Variants in COPS5 observed in about 807,000 individuals in gnomAD.
COPS5 encodes the protein COP9 signalosome complex subunit 5.
COPS5 carries 8 observed loss-of-function variants against 44.4 expected under a neutral mutation model. That is an observed-to-expected ratio of 0.18 (90% CI 0.11 to 0.32). The LOEUF is 0.32. Ranked by LOEUF, COPS5 falls within the 10% of genes least tolerant of loss-of-function variation. The pLI is 1.00. For missense variants in COPS5, 159 were observed against 406.4 expected (o/e 0.39, Z 5.23); for synonymous variants, 122 against 142.8 (o/e 0.85, Z 1.04).
rs1563447309 is a variant in COPS5, at chr8:67,056,684, TATATATATATATATATATATATATATAA to T, written c.574-108_574-81del. Reference sequence around the variant, plus strand: ...ATATATATATATATATATATATATATATATATATATATATATATATATATATAAAAATGAGAAAAACATGTTTTCTATG... The same window carrying T: ...ATATATATATATATATATATATATATAAATGAGAAAAACATGTTTTCTATG... On this transcript the variant is annotated intron_variant, in intron 4 of 7. Transcript: ENST00000357849. 19 of 101,476 alleles carry T rather than the reference TATATATATATATATATATATATATATAA, an allele frequency of 1.9e-4. 1 individual carries two copies. The highest frequency in any genetic ancestry group is 8.8e-4 in the African/African-American group (16 of 18,176). The allele number at this position is 101,476 out of a possible 1,614,324, so 6.3% of individuals were successfully genotyped here.
intron 6 of COPS5, among the ~76,000 whole-genome samples, chr8:67,046,645 A>C (rs1585707591): frequency 6.6e-6 from 1 of 151,874 alleles, no homozygotes; most frequent in Non-Finnish European, 1.5e-5. Flanking sequence ...ACAAGATGAA[A>C]CCCTATCTCT....
Position 67,050,476 on chromosome 8 carries a change from C to T in COPS5, c.771+754G>A, listed in dbSNP as rs925090993. ...GCTCATCAAGCTTATTCAGTTGGCCCACACCAGGCCTAAACATGGGCATGT... is the reference window on the plus strand; with the variant it reads ...GCTCATCAAGCTTATTCAGTTGGCCTACACCAGGCCTAAACATGGGCATGT... On this transcript the variant is annotated intron_variant, in intron 6 of 7. Coordinates refer to ENST00000357849, the MANE Select transcript of COPS5 (RefSeq NM_006837.3). Among the ~76,000 whole-genome samples, 3 of 152,174 alleles carry T rather than the reference C, an allele frequency of 2.0e-5. No individual in the cohort carries two copies. In the East Asian group the frequency reaches 5.8e-4, roughly 29 times the overall value.
intron 1 of COPS5, chr8:67,060,954 A>G (rs977352762): frequency 1.8e-5 from 3 of 162,704 alleles, no homozygotes; most frequent in African/African-American, 7.2e-5. Context: ...CTAGCCTTGT[A>G]AAAAAAACTG....
intron 6 of COPS5, 36 bp from the exon 7 acceptor site, chr8:67,045,996 C>G (rs755524775): frequency 2.8e-5 from 44 of 1,570,734 alleles, no homozygotes; most frequent in Non-Finnish European, 3.7e-5. Flanking sequence ...CTGCAAAACA[C>G]AAGTCTACCA....
At chr8:67,060,643 C>G in intron 1 of COPS5, 1 of 421,158 alleles carries the variant, frequency 2.4e-6, no homozygotes, top group Non-Finnish European at 4.1e-6. Flanking sequence ...ATGACAATAC[C>G]AATAAGTAGG....
rs1175357586 is a variant in COPS5 at position 67,062,121 on chromosome 8, A to G, written c.-125T>C. The G allele has an allele frequency of 2.6e-6, 4 of 1,550,880 alleles. No homozygotes were observed. The Admixed American group carries it at 7.7e-5, about 30-fold the overall frequency. On this transcript the variant is annotated 5_prime_UTR_variant, in exon 1 of 8. Coordinates refer to ENST00000357849, the MANE Select transcript of COPS5 (RefSeq NM_006837.3). The stretch of plus-strand genomic sequence containing the variant: ...AAACTCTTACCTAGACTCTTGGGGC[A>G]GCCATGACACCTAGAACCGGAGGTG...
intron 6 of COPS5, 147 bp from the exon 7 acceptor site, chr8:67,046,107 G>C (rs1163413788): frequency 1.0e-4 from 78 of 780,824 alleles, no homozygotes; most frequent in Admixed American, 3.0e-5. Flanking sequence ...TCAGTGAGGA[G>C]AGAAGTCAAA....
intron 1 of COPS5, chr8:67,059,686 C>T (rs562790777): frequency 2.2e-6 from 1 of 461,090 alleles, no homozygotes; most frequent in Admixed American, 3.5e-5. Flanking sequence ...TTTTAATATG[C>T]TATTCAAATA....
intron 6 of COPS5, among the ~76,000 whole-genome samples, chr8:67,049,939 T>A (rs971040333): frequency 6.6e-6 from 1 of 151,974 alleles, no homozygotes; most frequent in Non-Finnish European, 1.5e-5. Context: ...GTTTGTTAAA[T>A]AATATCCTAC....
intron 6 of COPS5, among the ~76,000 whole-genome samples, chr8:67,049,141 T>A (rs758788089): frequency 2.6e-5 from 4 of 152,234 alleles, no homozygotes; most frequent in Non-Finnish European, 5.9e-5. Flanking sequence ...TCAGTCTACA[T>A]ACTTTCTAAG....
intron 7 of COPS5, chr8:67,043,583 A>G (rs1816663984): frequency 4.0e-6 from 1 of 252,800 alleles, no homozygotes; most frequent in Non-Finnish European, 7.4e-6. Context: ...GAGTAAAATT[A>G]TACAAACCTG....
At chr8:67,054,790 A>T (rs1804478797) in intron 5 of COPS5, among the ~76,000 whole-genome samples, 2 of 152,232 alleles carry the variant, frequency 1.3e-5, no homozygotes, top group South Asian at 2.1e-4. Flanking sequence ...TCATTTAAGC[A>T]GCAATTTTTT....
intron 7 of COPS5, chr8:67,045,494 C>A (rs1816689205): frequency 1.1e-5 from 3 of 277,772 alleles, no homozygotes; most frequent in African/African-American, 6.5e-5. Flanking sequence ...CATACACACA[C>A]ACACACTTTA....
In COPS5 at chr8:67,046,741, T is replaced by C. The variant is rs1419127493; in HGVS notation, c.772-781A>G. 2.1e-5 allele frequency among the ~76,000 whole-genome samples: 3 copies of C among 145,730 alleles called. No individual in the cohort carries two copies. The Admixed American group carries it at 2.2e-4, about 11-fold the overall frequency. On this transcript the variant is annotated intron_variant, in intron 6 of 7. Coordinates refer to ENST00000357849, the MANE Select transcript of COPS5 (RefSeq NM_006837.3). ...GGGAGGCTGAGGCAGGAGAATCGCT[T>C]GAACCCAGGAGGCGGAGGTTGCAGT...
At chr8:67,045,989 C>T in intron 6 of COPS5, 29 bp from the exon 7 acceptor site, 1 of 1,596,040 alleles carries the variant, frequency 6.3e-7, no homozygotes, top group Non-Finnish European at 8.6e-7. Flanking sequence ...TGTGTCACTG[C>T]AAAACACAAG....
intron 5 of COPS5, among the ~76,000 whole-genome samples, chr8:67,056,165 A>G (rs1366312134): frequency 2.0e-5 from 3 of 152,204 alleles, no homozygotes; most frequent in Non-Finnish European, 4.4e-5. Context: ...AAAAAATGCA[A>G]AAGAAAAAAA....
chr8:67,044,428 C>G (rs1441555210), intron 7 of COPS5: 1 of 152,086 alleles, frequency 6.6e-6, no homozygotes, highest in Non-Finnish European at 1.5e-5. Flanking sequence ...AAGGCTAACC[C>G]AAAATGACCT....
At chr8:67,052,459 C>T (rs1804430968) in intron 5 of COPS5, among the ~76,000 whole-genome samples, 1 of 150,482 alleles carries the variant, frequency 6.6e-6, no homozygotes, top group African/African-American at 2.4e-5. Flanking sequence ...GCTTGGTCAC[C>T]CAGGCTGGAG....
chr8:67,051,220 T>C lies in COPS5; in HGVS notation c.771+10A>G, dbSNP rs750701896. 1.4e-6 allele frequency: 2 copies of C among 1,433,886 alleles called. No individual in the cohort carries two copies. The highest frequency in any genetic ancestry group is 2.0e-6 in the Non-Finnish European group (2 of 1,017,102). 88.8% of individuals were successfully genotyped at this position (1,433,886 alleles called of 1,614,324 possible). A position where few individuals can be genotyped will look rare whatever the true frequency, so the allele number is the denominator to read the frequency against. On this transcript the variant is annotated intron_variant, in intron 6 of 7. Transcript: ENST00000357849. ...AATTCAAATGCATTCTTTACAAGTA[T>C]AGTACTTACAGTAAGCAAGCTAGAA...
Sources: allele counts gnomAD v4.1 joint callset (sites outside exome capture counted in the v4.1 genomes callset), GRCh38; gene constraint gnomAD v4.1.1; transcripts MANE v1.5; gene names NCBI Gene and HGNC (gene_info 2026-07-23, HGNC 2026-07-21).